PLA2G6: variants seen among roughly 807,000 people sequenced by gnomAD.
The protein encoded by PLA2G6 is phospholipase A2 group VI.
Under a neutral mutation model 83.8 loss-of-function variants are expected in PLA2G6, and 62 were observed. The ratio of observed to expected loss-of-function variants is 0.74; its 90% CI spans 0.60 to 0.91. The LOEUF (loss-of-function observed/expected upper bound fraction) is 0.91, where lower values mean the gene tolerates loss of function less well. Among genes scored for constraint, PLA2G6 ranks in the 40% least tolerant of loss-of-function variants. The probability of loss-of-function intolerance (pLI) is 0.00; values close to 1 mark genes in which losing one functional copy is unlikely to be tolerated. For synonymous variants in PLA2G6, 417 were observed against 449.8 expected (o/e 0.93, Z 0.92); for missense variants, 944 against 1,102.0 (o/e 0.86, Z 2.03).
intron 11 of PLA2G6, 115 bp downstream of exon 11, chr22:38,122,980 T>TATAGCCCTCCTCTACTC: frequency 9.6e-7 from 1 of 1,043,778 alleles, no homozygotes; most frequent in Non-Finnish European, 1.4e-6. Context: ...TCAAAGTGCT[T>TATAGCCCTCCTCTACTC]ATAGCCCTCC....
At chr22:38,116,463 GA>G in intron 12 of PLA2G6, 1 of 661,956 alleles carries the variant, frequency 1.5e-6, no homozygotes, top group Non-Finnish European at 2.9e-6. Context: ...TAATCCAATG[GA>G]AAAACCTGTT....
intron 10 of PLA2G6, chr22:38,126,113 C>T: frequency 1.8e-6 from 1 of 558,350 alleles, no homozygotes; most frequent in Admixed American, 2.3e-5. Flanking sequence ...GAGGCCAGAA[C>T]ACTGCGCCAG....
chr22:38,180,295 G>A (rs1309574999), intron 1 of PLA2G6: 1 of 152,100 alleles, frequency 6.6e-6, no homozygotes, highest in Non-Finnish European at 1.5e-5. Context: ...TCCACGGAAG[G>A]AACAAGAAGT....
At position 38,113,527 on chromosome 22, in the gene PLA2G6, A is replaced by G. The variant is rs775929222; in HGVS notation, c.2162T>C (p.Val721Ala). The change falls in exon 15 of 17, where the codon GTT (valine) becomes GCT (alanine). Residue 721 changes from valine to alanine, a missense_variant. By Grantham distance (64) the Val-to-Ala change is moderately conservative. Transcript: ENST00000332509. ...PSNPWELAKTVFGAKELGKMV... is the reference protein window; with the variant it reads ...PSNPWELAKTAFGAKELGKMV... ...CTTGCCCAGTTCCTTGGCCCCAAAA[A>G]CAGTCTTGGCCAGCTCCCAGGGGTT... 17 of 1,614,020 alleles carry G rather than the reference A, an allele frequency of 1.1e-5. No individual in the cohort carries two copies. Among genetic ancestry groups the G allele is most frequent in the Non-Finnish European group, 1.3e-5 (15 of 1,180,012 alleles).
intron 12 of PLA2G6, among the ~76,000 whole-genome samples, chr22:38,119,317 G>A (rs2087390004): frequency 6.6e-6 from 1 of 152,188 alleles, no homozygotes; most frequent in Non-Finnish European, 1.5e-5. Flanking sequence ...ACCCACTGCT[G>A]AGGAAGCGGA....
intron 1 of PLA2G6, among the ~76,000 whole-genome samples, chr22:38,174,878 C>T (rs1238032530): frequency 6.6e-6 from 1 of 152,110 alleles, no homozygotes; most frequent in Admixed American, 6.5e-5. Flanking sequence ...ACGCCCCTCG[C>T]CATGCCCAGG....
intron 3 of PLA2G6, chr22:38,144,971 TC>T: frequency 2.7e-6 from 1 of 364,786 alleles, no homozygotes; most frequent in Non-Finnish European, 5.2e-6. Flanking sequence ...TGGTGAGCAC[TC>T]CGGACTCTGG....
rs762507157 is a variant in PLA2G6, at chr22:38,143,218, C to T, written c.496G>A (p.Glu166Lys). ...LHLACRKGDG[E>K]ILVELVQYCH... Reference sequence around the variant, plus strand: ...TACTGCACCAGCTCCACCAGGATCTCCCCATCACCCTTGCGGCAGGCCAGG... The same window carrying T: ...TACTGCACCAGCTCCACCAGGATCTTCCCATCACCCTTGCGGCAGGCCAGG... Residue 166 changes from glutamate (E) to lysine (K), a missense_variant, in exon 4 of 17, where the codon GAG (glutamate) becomes AAG (lysine). Transcript: ENST00000332509. 3 of 1,614,026 alleles carry T rather than the reference C, an allele frequency of 1.9e-6. No individual in the cohort carries two copies. Among genetic ancestry groups the T allele is most frequent in the African/African-American group, 1.3e-5 (1 of 74,922 alleles).
Position 38,127,820 on chromosome 22 carries a change from C to T in PLA2G6, c.1348+449G>A, listed in dbSNP as rs532865243. On this transcript the variant is annotated intron_variant, in intron 9 of 16. Transcript: ENST00000332509. ...CACATTCAACGTCTGAAAGTCACCA[C>T]GGGGCCAGGAAGGGGGCACACAGGT... 5.3e-5 allele frequency among the ~76,000 whole-genome samples: 8 copies of T among 152,260 alleles called. No homozygotes were observed. The East Asian group carries it at 5.8e-4, about 11-fold the overall frequency.
intron 15 of PLA2G6, among the ~76,000 whole-genome samples, 168 bp downstream of exon 15, chr22:38,113,319 G>T (rs911597054): frequency 3.9e-5 from 6 of 152,164 alleles, no homozygotes; most frequent in Non-Finnish European, 1.5e-5. Flanking sequence ...TCCCTGCCCC[G>T]CACTGAGACT....
At position 38,113,846 on chromosome 22, in the gene PLA2G6, C is replaced by G. The variant is rs552407745; in HGVS notation, c.2035-192G>C. The G allele has an allele frequency of 6.8e-5, 47 of 689,350 alleles. 1 individual carries two copies. Among genetic ancestry groups the G allele is most frequent in the South Asian group, 5.7e-4 (38 of 67,020 alleles). 42.7% of individuals were successfully genotyped at this position (689,350 alleles called of 1,614,324 possible). A position where few individuals can be genotyped will look rare whatever the true frequency, so the allele number is the denominator to read the frequency against. On this transcript the variant is annotated intron_variant, in intron 14 of 16. Coordinates refer to ENST00000332509, the MANE Select transcript of PLA2G6 (RefSeq NM_003560.4). ...GCACGTGACCCCAGAACGGCTGGTG[C>G]GGGCATCACATGCCATCTGCTCAGG... is the stretch of plus-strand genomic sequence containing the variant.
At chr22:38,143,818 A>G (rs1219896256) in intron 3 of PLA2G6, 4 of 230,708 alleles carry the variant, frequency 1.7e-5, no homozygotes, top group African/African-American at 8.9e-5. Flanking sequence ...ATCTCGGCTC[A>G]CTGCAACCTC....
At chr22:38,117,529 C>A (rs1286059279) in intron 12 of PLA2G6, among the ~76,000 whole-genome samples, 1 of 152,040 alleles carries the variant, frequency 6.6e-6, no homozygotes, top group Non-Finnish European at 1.5e-5. Flanking sequence ...AAACTGAACC[C>A]ATCAGAATTC....
At chr22:38,131,116 A>T (rs939059985) in intron 7 of PLA2G6, 14 of 152,386 alleles carry the variant, frequency 9.2e-5, no homozygotes, top group African/African-American at 3.4e-4. Context: ...ACCAAAGTCT[A>T]TCAGCAGTTC....
At chr22:38,121,525 T>C (rs1444052406) in intron 11 of PLA2G6, among the ~76,000 whole-genome samples, 1 of 152,148 alleles carries the variant, frequency 6.6e-6, no homozygotes, top group African/African-American at 2.4e-5. Context: ...CTTTGAGCCT[T>C]CAGAACAGAC....
At chr22:38,118,460 T>C (rs796259507) in intron 12 of PLA2G6, among the ~76,000 whole-genome samples, 10 of 152,356 alleles carry the variant, frequency 6.6e-5, no homozygotes, top group African/African-American at 2.4e-4. Context: ...TCCAAATCAA[T>C]TATCCCCTAA....
Position 38,132,089 on chromosome 22 carries a change from T to G in PLA2G6, c.1077+742A>C. On this transcript the variant is annotated intron_variant, in intron 7 of 16. Transcript: ENST00000332509. The surrounding 1 kb of genome is among the most constrained non-coding windows in gnomAD (Gnocchi z 5.0). The stretch of plus-strand genomic sequence containing the variant: ...GAGATCGCGCCACTGCACTCCAGCC[T>G]GGGCGACAGTGCGAGACTCCATCTC... The G allele has an allele frequency of 2.2e-6, 1 of 454,570 alleles. No homozygotes were observed. Among genetic ancestry groups the G allele is most frequent in the Non-Finnish European group, 4.4e-6 (1 of 226,272 alleles). 28.2% of individuals were successfully genotyped at this position (454,570 alleles called of 1,614,324 possible).
At chr22:38,144,140 A>G (rs537499591) in intron 3 of PLA2G6, 155 of 154,652 alleles carry the variant, frequency 1.0e-3, no homozygotes, top group African/African-American at 3.6e-3. Flanking sequence ...AAGATGGCCA[A>G]CTGGTGCCCT....
At position 38,140,184 on chromosome 22, in the gene PLA2G6, A is replaced by G. The variant is rs758134366; in HGVS notation, c.610-15T>C. 5.0e-6 allele frequency: 8 copies of G among 1,613,250 alleles called. No homozygotes were observed. In the Admixed American group the frequency reaches 1.3e-4, roughly 27 times the overall value. ...CTTCCAAGGAGCTGATGAAAGAGGA[A>G]GGGAAGTTTGACTCCATAGGATGCT... On this transcript the variant is annotated splice_polypyrimidine_tract_variant and intron_variant, in intron 4 of 16. Transcript: ENST00000332509.
Sources: gnomAD v4.1 joint callset for allele counts (sites outside exome capture counted in the v4.1 genomes callset) on GRCh38, gnomAD v4.1.1 for gene constraint, Gnocchi (gnomAD v3.1) non-coding constraint, MANE v1.5 for transcripts, NCBI Gene and HGNC (gene_info 2026-07-23, HGNC 2026-07-21) for gene names.